Variants in DAB1 observed in about 807,000 individuals in gnomAD.
The protein encoded by DAB1 is disabled homolog 1.
DAB1 carries 15 observed loss-of-function variants against 64.6 expected under a neutral mutation model. That is an observed-to-expected ratio of 0.23 (90% CI 0.16 to 0.36). The LOEUF is 0.36. DAB1 is among the 10% of genes least tolerant of loss of function. The probability of loss-of-function intolerance (pLI) is 1.00; values close to 1 mark genes in which losing one functional copy is unlikely to be tolerated. For missense variants in DAB1, 596 were observed against 706.7 expected (o/e 0.84, Z 1.78); for synonymous variants, 235 against 251.9 (o/e 0.93, Z 0.64).
At chr1:57,114,855 A>G (rs1655968910) in intron 4 of DAB1, among the ~76,000 whole-genome samples, 1 of 152,188 alleles carries the variant, frequency 6.6e-6, no homozygotes, top group Non-Finnish European at 1.5e-5. Flanking sequence ...AATTCAGACC[A>G]TCTGGGTTCC....
At chr1:57,339,182 G>GGC (rs1195423911) in intron 1 of DAB1, among the ~76,000 whole-genome samples, 4 of 147,470 alleles carry the variant, frequency 2.7e-5, no homozygotes, top group African/African-American at 1.0e-4. Context: ...TCGAGACAGA[G>GGC]TCTCGCTCTG....
upstream of DAB1, among the ~76,000 whole-genome samples, chr1:57,427,012 C>G (rs1043857459): frequency 1.3e-5 from 2 of 151,590 alleles, no homozygotes; most frequent in African/African-American, 4.9e-5. Flanking sequence ...TACAGGAGCC[C>G]GCCACCGCTC....
intron 4 of DAB1, among the ~76,000 whole-genome samples, chr1:57,131,996 T>C (rs779280700): frequency 6.6e-6 from 1 of 152,204 alleles, no homozygotes. Flanking sequence ...CCTGAGTGAA[T>C]GCATATATAT....
intron 3 of DAB1, among the ~76,000 whole-genome samples, chr1:58,454,709 C>G (rs1645173524): frequency 6.6e-6 from 1 of 152,146 alleles, no homozygotes; most frequent in Non-Finnish European, 1.5e-5. Flanking sequence ...TGCCTTGTCC[C>G]CTCTGCTCTA....
At chr1:58,141,765 T>A (rs923572312) in intron 5 of DAB1, among the ~76,000 whole-genome samples, 1 of 152,142 alleles carries the variant, frequency 6.6e-6, no homozygotes, top group Non-Finnish European at 1.5e-5. Context: ...AAACAGGAGT[T>A]GGTTTTATGG....
intron 5 of DAB1, among the ~76,000 whole-genome samples, chr1:58,149,525 C>A (rs1197068928): frequency 6.6e-6 from 1 of 152,116 alleles, no homozygotes; most frequent in Non-Finnish European, 1.5e-5. Flanking sequence ...AATACTAAAC[C>A]GGGTTCATAC....
intron 5 of DAB1, among the ~76,000 whole-genome samples, chr1:58,105,949 A>C (rs1651608831): frequency 1.3e-5 from 2 of 152,176 alleles, no homozygotes; most frequent in South Asian, 2.1e-4. Flanking sequence ...TGGGCCTGGC[A>C]CTGGGAATAC....
At chr1:57,348,798 TC>T (rs1678334996) in intron 1 of DAB1, among the ~76,000 whole-genome samples, 1 of 152,078 alleles carries the variant, frequency 6.6e-6, no homozygotes, top group Admixed American at 6.6e-5. Context: ...TGGAAATGCC[TC>T]CCTTGTCTAG....
chr1:58,149,362 G>C (rs970105797), intron 5 of DAB1, among the ~76,000 whole-genome samples: 1 of 152,172 alleles, frequency 6.6e-6, no homozygotes, highest in Non-Finnish European at 1.5e-5. Flanking sequence ...TCTATGGAAA[G>C]AAGGAAAGAC....
chr1:57,185,161 G>A (rs1466901184), intron 2 of DAB1, among the ~76,000 whole-genome samples: 1 of 152,052 alleles, frequency 6.6e-6, no homozygotes, highest in Non-Finnish European at 1.5e-5. Flanking sequence ...TCCCTGAGAT[G>A]GCATTTCTTC....
At chr1:57,140,593 G>C (rs761771311) in intron 3 of DAB1, among the ~76,000 whole-genome samples, 2 of 152,140 alleles carry the variant, frequency 1.3e-5, no homozygotes, top group Non-Finnish European at 2.9e-5. Context: ...TCCAAACTTA[G>C]TGCTGAAGAG....
chr1:57,769,087 C>T (rs927612), intron 6 of DAB1, among the ~76,000 whole-genome samples: 88,666 of 151,956 alleles, frequency 0.58, 26,039 homozygotes, highest in East Asian at 0.65. Context: ...GGGAGCTGTA[C>T]CTTACTTGTC....
At chr1:58,131,470 T>C (rs1420552059) in intron 5 of DAB1, among the ~76,000 whole-genome samples, 7 of 147,150 alleles carry the variant, frequency 4.8e-5, no homozygotes, top group Non-Finnish European at 1.1e-4. Flanking sequence ...TCAAAGTCAT[T>C]CTCCATCCAG....
chr1:57,552,053 C>G (rs1644920343), intron 7 of DAB1, among the ~76,000 whole-genome samples: 1 of 152,150 alleles, frequency 6.6e-6, no homozygotes, highest in East Asian at 1.9e-4. Flanking sequence ...CTAGGCATCC[C>G]CCGTTTTCCT....
intron 7 of DAB1, among the ~76,000 whole-genome samples, chr1:57,610,358 T>G (rs1241981440): frequency 6.6e-6 from 1 of 152,188 alleles, no homozygotes; most frequent in Admixed American, 6.5e-5. Flanking sequence ...ACTGTACACA[T>G]GTTGATTCAT....
chr1:58,046,304 T>G (rs1393661319), intron 5 of DAB1, among the ~76,000 whole-genome samples: 1 of 152,246 alleles, frequency 6.6e-6, no homozygotes, highest in Non-Finnish European at 1.5e-5. Context: ...TATAACTAAC[T>G]TCTTTTCTCA....
chr1:58,227,828 T>C (rs1317923234), intron 4 of DAB1, among the ~76,000 whole-genome samples: 1 of 152,152 alleles, frequency 6.6e-6, no homozygotes, highest in Non-Finnish European at 1.5e-5. Flanking sequence ...CAGCAGCAAA[T>C]GTATAATGCT....
rs150178382 is a variant in DAB1, at chr1:57,092,520, G to A, written c.307-20106C>T. Among the ~76,000 whole-genome samples the A allele has an allele frequency of 1.8e-4, 28 of 152,116 alleles. No homozygotes were observed. The East Asian group carries it at 3.1e-3, about 17-fold the overall frequency. ...CTCTTTCCTGCCACCTTGGGAAGACGGTACTTGCTTCTTCTTAGCCTTCTA... is the reference window on the plus strand; with the variant it reads ...CTCTTTCCTGCCACCTTGGGAAGACAGTACTTGCTTCTTCTTAGCCTTCTA... On this transcript the variant is annotated intron_variant, in intron 4 of 14. Transcript: ENST00000371236.
At chr1:57,532,786 A>G (rs762259844) in intron 7 of DAB1, among the ~76,000 whole-genome samples, 1 of 152,208 alleles carries the variant, frequency 6.6e-6, no homozygotes, top group Non-Finnish European at 1.5e-5. Context: ...GAATTGTGAG[A>G]GAAAATTAAG....
Sources: allele counts gnomAD v4.1 joint callset (sites outside exome capture counted in the v4.1 genomes callset), GRCh38; gene constraint gnomAD v4.1.1; transcripts MANE v1.5; gene names NCBI Gene and HGNC (gene_info 2026-07-23, HGNC 2026-07-21).